Variants in LY9 observed in about 807,000 individuals in gnomAD.
LY9 encodes T-lymphocyte surface antigen Ly-9.
In LY9, 59 loss-of-function variants were observed where a neutral mutation model predicts 64.6. The ratio of observed to expected loss-of-function variants is 0.91; its 90% CI spans 0.74 to 1.13. LY9 has a LOEUF of 1.13. Ranked by LOEUF, LY9 falls within the 50% of genes most tolerant of loss-of-function variation. LY9 has a pLI of 0.00. For synonymous variants in LY9, 281 were observed against 308.5 expected, an observed-to-expected ratio of 0.91 and a Z score of 0.93; for missense variants, 789 against 797.2, an observed-to-expected ratio of 0.99 and a Z score of 0.12.
chr1:160,814,376 T>TAGGG, intron 3 of LY9, 44 bp from the exon 4 acceptor site: 1 of 1,460,116 alleles, frequency 6.8e-7, no homozygotes, highest in East Asian at 2.3e-5. Flanking sequence ...GCCAAGGGAG[T>TAGGG]AGGGACAGTG....
At chr1:160,801,922 T>A in intron 2 of LY9, 2 of 1,611,522 alleles carry the variant, frequency 1.2e-6, no homozygotes, top group Non-Finnish European at 1.7e-6. Context: ...GGCTAGGCCC[T>A]CGCCCCCACC....
chr1:160,823,655 T>A lies in LY9; in HGVS notation c.1689T>A (p.Phe563Leu), dbSNP rs146895414. The A allele has an allele frequency of 2.0e-5, 33 of 1,614,136 alleles. No individual in the cohort carries two copies. In the African/African-American group the frequency reaches 4.0e-4, roughly 20 times the overall value. The change falls in exon 8 of 10, where the codon TTT (phenylalanine) becomes TTA (leucine). Residue 563 changes from phenylalanine to leucine, a missense_variant. Phe to Leu is a conservative substitution (Grantham distance 22, BLOSUM62 0). Coordinates refer to ENST00000263285, the MANE Select transcript of LY9 (RefSeq NM_002348.4). ...HKPISGRYEVFDQVTQEGAGH... is the reference protein window; with the variant it reads ...HKPISGRYEVLDQVTQEGAGH... ...CCATCAGTGGAAGATATGAGGTATT[T>A]GACCAGGTCACTCAGGAGGGCGCTG...
rs201996405 is a variant in LY9 at position 160,799,819 on chromosome 1, C to T, written c.191C>T (p.Thr64Ile). Residue 64 changes from threonine (T) to isoleucine (I), a missense_variant, in exon 2 of 10, where the codon ACT becomes ATT. Coordinates refer to ENST00000263285, the MANE Select transcript of LY9 (RefSeq NM_002348.4). ...TCAGGGATCCTAGGGGGTTCCGTGA[C>T]TCTCCCCCTAAACATCTCAGTAGAC... is the stretch of plus-strand genomic sequence containing the variant. Reference protein sequence around the residue: ...VVSGILGGSVTLPLNISVDTE... With the variant: ...VVSGILGGSVILPLNISVDTE... The T allele has an allele frequency of 9.7e-5, 157 of 1,613,940 alleles. 1 individual carries two copies. Among genetic ancestry groups the T allele is most frequent in the Non-Finnish European group, 1.3e-4 (151 of 1,179,894 alleles).
intron 1 of LY9, chr1:160,797,122 G>A: frequency 1.0e-6 from 1 of 985,536 alleles, no homozygotes; most frequent in Non-Finnish European, 1.2e-6. Flanking sequence ...CCAACTCCTG[G>A]GAAACATCTC....
Position 160,809,807 on chromosome 1 carries a change from GT to G in LY9, c.455-3828del, listed in dbSNP as rs1234950566. ...AAACATTTCTTTGTTGATAAATTGAGTAGTTACAATAGTATTTCATGGCTTA... is the reference window on the plus strand; with the variant it reads ...AAACATTTCTTTGTTGATAAATTGAGAGTTACAATAGTATTTCATGGCTTA... On this transcript the variant is annotated intron_variant, in intron 2 of 9. Transcript: ENST00000263285. The G allele has an allele frequency of 3.3e-5, 5 of 152,302 alleles. No individual in the cohort carries two copies. In the East Asian group the frequency reaches 9.6e-4, roughly 29 times the overall value. The allele number at this position is 152,302 out of a possible 1,614,324, so 9.4% of individuals were successfully genotyped here. A position where few individuals can be genotyped will look rare whatever the true frequency, so the allele number is the denominator to read the frequency against.
At chr1:160,796,974 T>G (rs956214896) in intron 1 of LY9, 2 of 251,546 alleles carry the variant, frequency 8.0e-6, no homozygotes, top group Admixed American at 6.5e-5. Flanking sequence ...TTTCTATGTA[T>G]CCTGCCTTGG....
chr1:160,814,741 A>T lies in LY9; in HGVS notation c.1052A>T (p.His351Leu), dbSNP rs929120399. The change falls in exon 4 of 10, where the codon CAT becomes CTT. Residue 351 changes from histidine to leucine, a missense_variant. Physicochemically the swap from His to Leu is moderately conservative, Grantham distance 99. Transcript: ENST00000263285. ...SEASSVTSMT[H>L]VTLLIYRRLR... ...GCCTCCAGCGTCACCAGCATGACAC[A>T]TGTCACCCTGCTCATCTACCGTGAG... 1 of 1,612,738 alleles carries T rather than the reference A, an allele frequency of 6.2e-7. No homozygotes were observed. The highest frequency in any genetic ancestry group is 1.3e-5 in the African/African-American group (1 of 74,896).
At chr1:160,804,020 T>G (rs866743760) in intron 2 of LY9, among the ~76,000 whole-genome samples, 4 of 152,058 alleles carry the variant, frequency 2.6e-5, no homozygotes, top group South Asian at 2.1e-4. Flanking sequence ...AAAAAAAAAA[T>G]TACATCATCA....
chr1:160,821,926 G>C (rs1247537120), intron 7 of LY9, among the ~76,000 whole-genome samples: 2 of 152,166 alleles, frequency 1.3e-5, no homozygotes, highest in East Asian at 3.8e-4. Flanking sequence ...TAATCTTTAC[G>C]TGCCCGAGTT....
chr1:160,824,089 C>A lies in LY9; in HGVS notation c.1831-92C>A, dbSNP rs1281620959. ...CCCACCCTGTGTGTGAGATGGGAAG[C>A]CAGGGGGTATCCCCTCTCCTCAAGG... On this transcript the variant is annotated intron_variant, in intron 8 of 9. Transcript: ENST00000263285. 5.9e-6 allele frequency: 9 copies of A among 1,524,246 alleles called. No individual in the cohort carries two copies. The African/African-American group carries it at 6.9e-5, about 12-fold the overall frequency. 94.4% of individuals were successfully genotyped at this position (1,524,246 alleles called of 1,614,324 possible). A position where few individuals can be genotyped will look rare whatever the true frequency, so the allele number is the denominator to read the frequency against.
chr1:160,796,405 G>A (rs1329276413), intron 1 of LY9, 94 bp downstream of exon 1: 1 of 1,435,894 alleles, frequency 7.0e-7, no homozygotes, highest in Non-Finnish European at 9.3e-7. Context: ...TTTGTTTTTT[G>A]TTTTTTTTAA....
At chr1:160,820,729 C>G (rs1001983529) in intron 7 of LY9, among the ~76,000 whole-genome samples, 3 of 152,192 alleles carry the variant, frequency 2.0e-5, no homozygotes, top group Middle Eastern at 6.3e-3. Context: ...CCCCCAGAAC[C>G]CTTCTTGAAC....
chr1:160,805,741 TCACACACACACACACA>T (rs60721619), intron 2 of LY9, among the ~76,000 whole-genome samples: 18 of 140,598 alleles, frequency 1.3e-4, no homozygotes, highest in African/African-American at 3.2e-4. Flanking sequence ...TCTCTCTGTC[TCACACACACACACACA>T]CACACACACA....
intron 4 of LY9, 122 bp downstream of exon 4, chr1:160,814,883 T>A: frequency 1.3e-6 from 1 of 748,864 alleles, no homozygotes; most frequent in Non-Finnish European, 2.2e-6. Flanking sequence ...CTCAGACCAC[T>A]AGGACAGCTG....
chr1:160,819,761 A>T (rs520316), intron 7 of LY9, among the ~76,000 whole-genome samples: 1 of 144,124 alleles, frequency 6.9e-6, no homozygotes, highest in Non-Finnish European at 1.5e-5. Flanking sequence ...ACTGCACTAC[A>T]GTCTGGGCAA....
intron 9 of LY9, 99 bp from the exon 10 acceptor site, chr1:160,827,649 G>A: frequency 2.3e-6 from 2 of 882,730 alleles, no homozygotes; most frequent in Non-Finnish European, 3.5e-6. Context: ...ACTTCTGTAG[G>A]ATGGACCAGT....
At chr1:160,817,958 G>T (rs1411987913) in intron 5 of LY9, among the ~76,000 whole-genome samples, 1 of 152,116 alleles carries the variant, frequency 6.6e-6, no homozygotes. Flanking sequence ...CGAACCTCAG[G>T]TCAGACACTT....
chr1:160,801,765 GC>G, intron 2 of LY9: 1 of 1,562,628 alleles, frequency 6.4e-7, no homozygotes, highest in East Asian at 2.2e-5. Context: ...TCATTCTTCT[GC>G]ATGTGACTAT....
In LY9 at chr1:160,824,929, A is replaced by G. The variant is rs551440913; in HGVS notation, c.1899+680A>G. On this transcript the variant is annotated intron_variant, in intron 9 of 9. Coordinates refer to ENST00000263285, the MANE Select transcript of LY9 (RefSeq NM_002348.4). ...CAGGAGGCAGAGCTTACAGTGAGCC[A>G]AGTTCGTGCCACTGCACTCCAGCCT... Among the ~76,000 whole-genome samples, 20 of 150,698 alleles carry G rather than the reference A, an allele frequency of 1.3e-4. No homozygotes were observed. In the South Asian group the frequency reaches 4.3e-3, roughly 32 times the overall value.
Sources: allele counts gnomAD v4.1 joint callset (sites outside exome capture counted in the v4.1 genomes callset), GRCh38; gene constraint gnomAD v4.1.1; transcripts MANE v1.5; gene names NCBI Gene and HGNC (gene_info 2026-07-23, HGNC 2026-07-21).